The following NRG1 variants were observed in gnomAD, a reference collection of about 807,000 sequenced individuals.
The protein encoded by NRG1 is pro-neuregulin-1, membrane-bound isoform.
In NRG1, 18 loss-of-function variants were observed where a neutral mutation model predicts 63.8. The observed-to-expected ratio is 0.28, with a 90% CI of 0.19 to 0.42. The LOEUF is 0.42. Among genes scored for constraint, NRG1 ranks in the 10% least tolerant of loss-of-function variants. NRG1 has a pLI of 1.00. For missense variants in NRG1, 762 were observed against 814.7 expected (o/e 0.94, Z 0.79); for synonymous variants, 302 against 301.3 (o/e 1.00, Z -0.02).
intron 1 of NRG1, among the ~76,000 whole-genome samples, chr8:32,278,647 T>A (rs1784778203): frequency 6.6e-6 from 1 of 152,220 alleles, no homozygotes; most frequent in South Asian, 2.1e-4. Context: ...GTCCTATGTA[T>A]GGACACATCA....
chr8:31,896,318 G>T (rs1831573952), intron 1 of NRG1, among the ~76,000 whole-genome samples: 1 of 152,142 alleles, frequency 6.6e-6, no homozygotes, highest in Non-Finnish European at 1.5e-5. Context: ...AGGAAATTAG[G>T]CTTTCTGTAA....
chr8:32,292,933 G>A (rs1347871668), intron 1 of NRG1, among the ~76,000 whole-genome samples: 9 of 152,054 alleles, frequency 5.9e-5, no homozygotes, highest in East Asian at 3.9e-4. Context: ...GTGAAACCCC[G>A]TCTCTACTAA....
chr8:32,003,869 A>C (rs1022005429), intron 1 of NRG1, among the ~76,000 whole-genome samples: 11 of 151,898 alleles, frequency 7.2e-5, no homozygotes, highest in African/African-American at 2.7e-4. Flanking sequence ...TGGTGGATAC[A>C]TGAAGATAAT....
chr8:32,158,353 TAAA>T (rs1563851895), intron 1 of NRG1, among the ~76,000 whole-genome samples: 1 of 150,126 alleles, frequency 6.7e-6, no homozygotes, highest in South Asian at 2.1e-4. Context: ...AGGAATTTTT[TAAA>T]AAAAGATTAA....
In NRG1 at chr8:32,015,506, A is replaced by AAAC. The variant is rs199822982; in HGVS notation, c.37+376078_37+376080dup. On this transcript the variant is annotated intron_variant, in intron 1 of 10. Coordinates refer to the NRG1 transcript ENST00000519301. ...TACAGGCAGTGCTGAATTGCTCAGT[A>AAAC]AACAATGCACTTAATGATATTTCCT... Among the ~76,000 whole-genome samples the AAAC allele has an allele frequency of 7.6e-3, 1,150 of 152,296 alleles. 17 individuals carry two copies. The highest frequency in any genetic ancestry group is 0.026 in the African/African-American group (1,101 of 41,554).
intron 1 of NRG1, among the ~76,000 whole-genome samples, chr8:32,079,293 T>TA (rs974214037): frequency 7.2e-5 from 11 of 152,158 alleles, no homozygotes; most frequent in Non-Finnish European, 1.2e-4. Context: ...GTTTAAAAGA[T>TA]AAAGCAGATA....
chr8:32,304,397 A>G (rs1371168719), intron 1 of NRG1, among the ~76,000 whole-genome samples: 11 of 152,228 alleles, frequency 7.2e-5, no homozygotes. Flanking sequence ...TGTAATTTGA[A>G]AACTCCAATT....
At chr8:32,345,225 C>T (rs1804734544) in intron 1 of NRG1, among the ~76,000 whole-genome samples, 1 of 152,154 alleles carries the variant, frequency 6.6e-6, no homozygotes, top group South Asian at 2.1e-4. Context: ...TTCCATTGTG[C>T]AAGCACTTTA....
At chr8:32,385,713 C>T (rs1425208542) in intron 1 of NRG1, among the ~76,000 whole-genome samples, 1 of 152,056 alleles carries the variant, frequency 6.6e-6, no homozygotes, top group Non-Finnish European at 1.5e-5. Flanking sequence ...CCCTATGATC[C>T]ATCACCTCCC....
In NRG1 at chr8:32,183,270, A is replaced by T. The variant is rs373744762; in HGVS notation, c.38-412558A>T. On this transcript the variant is annotated intron_variant, in intron 1 of 10. Transcript: ENST00000519301. ...GGATTTATGAGTCACAAAGGCCAAG[A>T]TTTCTAACCTTGCTACATGTGGGGC... Among the ~76,000 whole-genome samples the T allele has an allele frequency of 5.9e-5, 9 of 152,264 alleles. No homozygotes were observed. In the South Asian group the frequency reaches 1.4e-3, roughly 25 times the overall value.
chr8:31,927,129 T>C (rs1171646376), intron 1 of NRG1, among the ~76,000 whole-genome samples: 2 of 152,182 alleles, frequency 1.3e-5, no homozygotes, highest in Admixed American at 6.5e-5. Context: ...GGGACAATTA[T>C]TATCCCCATT....
chr8:32,578,132 T>A (rs1194692853), intron 1 of NRG1, among the ~76,000 whole-genome samples: 1 of 152,032 alleles, frequency 6.6e-6, no homozygotes, highest in Non-Finnish European at 1.5e-5. Context: ...GTAGCTGGGA[T>A]TACAGGCACC....
intron 1 of NRG1, among the ~76,000 whole-genome samples, chr8:31,642,052 C>A (rs1317894793): frequency 2.0e-5 from 3 of 152,102 alleles, no homozygotes; most frequent in Admixed American, 6.5e-5. Flanking sequence ...AGGATTGCAC[C>A]ACTCAGTGGA....
intron 1 of NRG1, among the ~76,000 whole-genome samples, chr8:31,833,404 G>A: frequency 6.6e-6 from 1 of 152,194 alleles, no homozygotes; most frequent in Middle Eastern, 3.4e-3. Context: ...GAATCCTCTG[G>A]ACCTGTAGAG....
intron 1 of NRG1, among the ~76,000 whole-genome samples, chr8:32,087,901 G>C (rs150761354): frequency 3.3e-5 from 5 of 152,276 alleles, no homozygotes; most frequent in Admixed American, 6.5e-5. Flanking sequence ...CGCATATAAT[G>C]AAGTTTTAAT....
At chr8:31,883,310 G>A (rs1178734789) in intron 1 of NRG1, among the ~76,000 whole-genome samples, 1 of 152,044 alleles carries the variant, frequency 6.6e-6, no homozygotes, top group African/African-American at 2.4e-5. Context: ...TTTCAGATAT[G>A]TTATTGCACA....
In NRG1 at chr8:32,756,367, TC is replaced by T. The variant is rs768120309; in HGVS notation, c.795-35del. The T allele has an allele frequency of 8.8e-6, 14 of 1,595,796 alleles. 1 individual carries two copies. In the South Asian group the frequency reaches 1.6e-4, roughly 18 times the overall value. On this transcript the variant is annotated intron_variant, in intron 8 of 11. Coordinates refer to ENST00000356819, the Ensembl canonical transcript of NRG1. ...TGGCTCTACTATGAAATGAAAATAA[TC>T]AAAAAAAAATAAATGCTCCCTTTCT...
rs1268504044 is a variant in NRG1, at chr8:31,727,946, G to A, written c.37+88515G>A. Among the ~76,000 whole-genome samples the A allele has an allele frequency of 7.2e-5, 11 of 152,142 alleles. 1 individual carries two copies. On this transcript the variant is annotated intron_variant, in intron 1 of 10. Transcript: ENST00000519301. ...AGCACTAGGATATTGTGATAACGCA[G>A]ACATCTCCTAGACAGGATCTACTGG... is the stretch of plus-strand genomic sequence containing the variant.
intron 1 of NRG1, among the ~76,000 whole-genome samples, chr8:32,474,636 G>T (rs1824269018): frequency 1.3e-5 from 2 of 151,922 alleles, no homozygotes; most frequent in Non-Finnish European, 2.9e-5. Flanking sequence ...GGGACTACAG[G>T]CACGTGCCAC....
Sources: gnomAD v4.1 joint callset for allele counts (sites outside exome capture counted in the v4.1 genomes callset) on GRCh38, gnomAD v4.1.1 for gene constraint, MANE v1.5 for transcripts, NCBI Gene and HGNC (gene_info 2026-07-23, HGNC 2026-07-21) for gene names.